MME: variants seen among roughly 807,000 people sequenced by gnomAD.
The protein encoded by MME is neprilysin.
MME carries 98 observed loss-of-function variants against 113.2 expected under a neutral mutation model. The observed-to-expected ratio is 0.87, with a 90% CI of 0.74 to 1.02. MME has a LOEUF of 1.02. Ranked by LOEUF, MME falls within the 50% of genes least tolerant of loss-of-function variation. MME has a pLI of 0.00. For synonymous variants in MME, 292 were observed against 300.6 expected, an observed-to-expected ratio of 0.97 and a Z score of 0.30; for missense variants, 836 against 896.0, an observed-to-expected ratio of 0.93 and a Z score of 0.86.
chr3:155,053,262 A>G (rs1279708778), intron 1 of MME, among the ~76,000 whole-genome samples: 1 of 152,210 alleles, frequency 6.6e-6, no homozygotes, highest in African/African-American at 2.4e-5. Flanking sequence ...TCTCTGTGGT[A>G]CCAATTTACT....
At chr3:155,116,375 C>A in intron 4 of MME, 104 bp from the exon 5 acceptor site, 1 of 865,434 alleles carries the variant, frequency 1.2e-6, no homozygotes, top group Non-Finnish European at 1.9e-6. Flanking sequence ...TTTTTTTTAA[C>A]TGAACCCACT....
chr3:155,044,125 C>CTT (rs5853709), intron 1 of MME, among the ~76,000 whole-genome samples: 1,775 of 89,008 alleles, frequency 0.02, 23 homozygotes, highest in Middle Eastern at 0.045. Context: ...CTTCCTTTTT[C>CTT]TTTTTTTTTT....
At chr3:155,086,989 T>C (rs1036856513) in intron 3 of MME, among the ~76,000 whole-genome samples, 6 of 112,308 alleles carry the variant, frequency 5.3e-5, no homozygotes, top group Non-Finnish European at 9.3e-5. Context: ...GTTTTTTGTT[T>C]TTTTTGTTTT....
intron 3 of MME, among the ~76,000 whole-genome samples, chr3:155,093,224 C>T (rs1716442139): frequency 6.6e-6 from 1 of 152,046 alleles, no homozygotes; most frequent in African/African-American, 2.4e-5. Context: ...ATGTAGTTTT[C>T]AAATCTTCAC....
chr3:155,144,847 A>G (rs1265349190), intron 14 of MME, among the ~76,000 whole-genome samples: 3 of 152,164 alleles, frequency 2.0e-5, no homozygotes, highest in Non-Finnish European at 2.9e-5. Flanking sequence ...AAGATTTCTC[A>G]GGAAATCTTA....
intron 8 of MME, among the ~76,000 whole-genome samples, chr3:155,135,331 T>C (rs1432967141): frequency 1.3e-5 from 2 of 152,114 alleles, no homozygotes; most frequent in African/African-American, 4.8e-5. Flanking sequence ...AAGTTAGGGG[T>C]CCCATTTTAT....
Position 155,162,920 on chromosome 3 carries a change from C to T in MME, c.1660+2472C>T, listed in dbSNP as rs113389730. The stretch of plus-strand genomic sequence containing the variant: ...CCCAGCTACTCGGAAGGCTGAGGCA[C>T]GAGAATCGCTTGAACCCAGGAGGCA... On this transcript the variant is annotated intron_variant, in intron 17 of 22. Transcript: ENST00000360490. Among the ~76,000 whole-genome samples, 936 of 147,118 alleles carry T rather than the reference C, an allele frequency of 6.4e-3. 11 individuals carry two copies. The highest frequency in any genetic ancestry group is 0.023 in the African/African-American group (898 of 39,706).
Position 155,122,329 on chromosome 3 carries a change from T to C in MME, c.720+3518T>C, listed in dbSNP as rs1461099577. Among the ~76,000 whole-genome samples the C allele has an allele frequency of 2.0e-3, 303 of 149,610 alleles. 1 individual carries two copies. Among genetic ancestry groups the C allele is most frequent in the African/African-American group, 6.6e-3 (272 of 40,930 alleles). ...CTCTTTTTTTCTTTATTAGTCTTAC[T>C]AGCGGTCTATCAATTTTGTTGATCC... is the stretch of plus-strand genomic sequence containing the variant. On this transcript the variant is annotated intron_variant, in intron 8 of 22. Coordinates refer to ENST00000360490, the MANE Select transcript of MME (RefSeq NM_007289.4).
At chr3:155,058,812 A>T (rs1714028710) in intron 1 of MME, among the ~76,000 whole-genome samples, 1 of 152,212 alleles carries the variant, frequency 6.6e-6, no homozygotes, top group Non-Finnish European at 1.5e-5. Context: ...TAAAACACCC[A>T]TTTCCAAAAC....
At chr3:155,166,448 C>G (rs1366416792) in intron 17 of MME, among the ~76,000 whole-genome samples, 2 of 152,148 alleles carry the variant, frequency 1.3e-5, no homozygotes, top group Non-Finnish European at 2.9e-5. Flanking sequence ...GATACAATTT[C>G]TGCAATAACA....
At chr3:155,176,028 T>C (rs990488855) in intron 22 of MME, among the ~76,000 whole-genome samples, 1 of 152,208 alleles carries the variant, frequency 6.6e-6, no homozygotes, top group East Asian at 1.9e-4. Flanking sequence ...CTCATCAATA[T>C]GACTTTGCTT....
At chr3:155,124,993 C>A (rs1233881750) in intron 8 of MME, among the ~76,000 whole-genome samples, 1 of 152,154 alleles carries the variant, frequency 6.6e-6, no homozygotes, top group Non-Finnish European at 1.5e-5. Flanking sequence ...CAAGCCTGGG[C>A]AATGGCAGGC....
intron 3 of MME, chr3:155,090,409 T>C (rs1716185915): frequency 6.6e-6 from 1 of 152,194 alleles, no homozygotes; most frequent in African/African-American, 2.4e-5. Context: ...CTATATATGC[T>C]ATATTTTTTC....
intron 21 of MME, 49 bp from the exon 22 acceptor site, chr3:155,172,487 C>A (rs748334573): frequency 9.9e-6 from 14 of 1,418,300 alleles, no homozygotes; most frequent in Non-Finnish European, 1.3e-5. Flanking sequence ...ACAAATAATC[C>A]TTGATTGAAC....
chr3:155,161,368 G>C (rs1420322287), intron 17 of MME, among the ~76,000 whole-genome samples: 2 of 152,056 alleles, frequency 1.3e-5, no homozygotes, highest in East Asian at 3.9e-4. Flanking sequence ...AGAATTAAGA[G>C]AGATGATAAT....
At chr3:155,144,141 A>G in intron 13 of MME, among the ~76,000 whole-genome samples, 1 of 152,182 alleles carries the variant, frequency 6.6e-6, no homozygotes. Flanking sequence ...CTTAATGCAT[A>G]TATTAAGACC....
chr3:155,107,657 C>T (rs1435952008), intron 3 of MME, among the ~76,000 whole-genome samples: 1 of 152,168 alleles, frequency 6.6e-6, no homozygotes, highest in Non-Finnish European at 1.5e-5. Context: ...AATTCACCTA[C>T]TCCCTAAAAT....
upstream of MME, chr3:155,080,028 G>A (rs924626298): frequency 3.9e-5 from 6 of 152,462 alleles, no homozygotes; most frequent in Non-Finnish European, 7.3e-5. Context: ...CGAGCTGAGG[G>A]AGAAAGGTCC....
intron 1 of MME, among the ~76,000 whole-genome samples, chr3:155,059,870 A>C (rs914723895): frequency 6.6e-6 from 1 of 152,210 alleles, no homozygotes; most frequent in Non-Finnish European, 1.5e-5. Context: ...AATTATCATT[A>C]CTCATAACAT....
Sources: allele counts gnomAD v4.1 joint callset (sites outside exome capture counted in the v4.1 genomes callset), GRCh38; gene constraint gnomAD v4.1.1; transcripts MANE v1.5; gene names NCBI Gene and HGNC (gene_info 2026-07-23, HGNC 2026-07-21).